Variants in FLNC observed in about 807,000 individuals in gnomAD.
The protein encoded by FLNC is filamin C.
In FLNC, 91 loss-of-function variants were observed where a neutral mutation model predicts 254.3. The observed-to-expected ratio is 0.36, with a 90% CI of 0.30 to 0.43. The LOEUF is 0.43. FLNC is among the 20% of genes least tolerant of loss of function. FLNC has a pLI of 1.00. For synonymous variants in FLNC, 1,430 were observed against 1,577.2 expected (o/e 0.91, Z 2.21); for missense variants, 2,853 against 3,802.6 (o/e 0.75, Z 6.57).
chr7:128,838,093 G>A (rs754085667), intron 6 of FLNC, 29 bp downstream of exon 6: 4 of 1,591,342 alleles, frequency 2.5e-6, no homozygotes, highest in South Asian at 1.1e-5. Context: ...CCCTGCCTGC[G>A]CTGCTCTTCA....
At position 128,846,084 on chromosome 7, in the gene FLNC, C is replaced by T. The variant is rs778413094; in HGVS notation, c.3885C>T (p.Pro1295=). 18 of 1,613,842 alleles carry T rather than the reference C, an allele frequency of 1.1e-5. No homozygotes were observed. The highest frequency in any genetic ancestry group is 1.3e-5 in the Non-Finnish European group (15 of 1,180,012). The change falls in exon 22 of 48, where the codon CCC becomes CCT. Residue 1295 remains proline (P), a synonymous_variant. Transcript: ENST00000325888. ...GNHVTARVLN[P]SGAKTDTYVT... is the part of the protein sequence containing the mutation. ...ACGTGACGGCTCGTGTGCTCAACCC[C>T]TCGGGGGCCAAGACAGACACCTATG...
Position 128,836,597 on chromosome 7 carries a change from A to G in FLNC, c.602-563A>G, listed in dbSNP as rs74673524. ...GGAAGGCAGGGCTCCTGAGGGCTGC[A>G]GAGGAGAAGTCATTCTCTCCTCACA... is the stretch of plus-strand genomic sequence containing the variant. On this transcript the variant is annotated intron_variant, in intron 2 of 47. Transcript: ENST00000325888. The surrounding 1 kb of genome is among the most constrained non-coding windows in gnomAD (Gnocchi z 6.0). 2.8e-3 allele frequency among the ~76,000 whole-genome samples: 426 copies of G among 152,348 alleles called. 15 individuals are homozygous for G. The South Asian group carries it at 0.057, about 20-fold the overall frequency.
intron 35 of FLNC, 116 bp from the exon 36 acceptor site, chr7:128,852,475 A>C (rs1416815811): frequency 8.4e-7 from 1 of 1,191,958 alleles, no homozygotes; most frequent in African/African-American, 1.5e-5. Flanking sequence ...TGCACCTGGG[A>C]GTGGCCCCCC....
At chr7:128,837,959 G>A (rs1228770457) in intron 5 of FLNC, 28 bp from the exon 6 acceptor site, 1 of 1,593,518 alleles carries the variant, frequency 6.3e-7, no homozygotes, top group Admixed American at 1.7e-5. Flanking sequence ...TCATTGGAGA[G>A]GCTTCCAATC....
Position 128,842,566 on chromosome 7 carries a change from C to A in FLNC, c.2266-9C>A. The A allele has an allele frequency of 6.5e-7, 1 of 1,549,002 alleles. No homozygotes were observed. Among genetic ancestry groups the A allele is most frequent in the Non-Finnish European group, 8.7e-7 (1 of 1,146,860 alleles). ...AGGGCACCACGCTGAGCTGCGACCC[C>A]TCCCGCAGGTGAACGTGGGCGAGGG... On this transcript the variant is annotated splice_polypyrimidine_tract_variant and intron_variant, in intron 14 of 47. Coordinates refer to ENST00000325888, the MANE Select transcript of FLNC (RefSeq NM_001458.5). The surrounding 1 kb of genome is among the most constrained non-coding windows in gnomAD (Gnocchi z 5.4).
At chr7:128,846,233 G>T in intron 22 of FLNC, 68 bp from the exon 23 acceptor site, 1 of 1,530,882 alleles carries the variant, frequency 6.5e-7, no homozygotes, top group Non-Finnish European at 8.8e-7. Flanking sequence ...TGATGATATT[G>T]CCCTCGGGGC....
intron 22 of FLNC, 25 bp downstream of exon 22, chr7:128,846,188 T>G: frequency 1.2e-6 from 2 of 1,613,398 alleles, no homozygotes; most frequent in Admixed American, 3.3e-5. Flanking sequence ...GCCAGGCTAG[T>G]GGGCAGGGCT....
chr7:128,839,855 C>G (rs1022500030), intron 8 of FLNC, among the ~76,000 whole-genome samples, 168 bp from the exon 9 acceptor site: 1 of 152,236 alleles, frequency 6.6e-6, no homozygotes, highest in African/African-American at 2.4e-5. Context: ...CTGTAGCCAG[C>G]TCCAGCCCGG....
rs200415625 is a variant in FLNC at position 128,852,702 on chromosome 7, C to T, written c.5954C>T (p.Ser1985Leu). 519 of 1,613,288 alleles carry T rather than the reference C, an allele frequency of 3.2e-4. 1 individual carries two copies. The highest frequency in any genetic ancestry group is 4.5e-4 in the Admixed American group (27 of 60,030). Residue 1985 changes from serine to leucine, a missense_variant, in exon 36 of 48, where the codon TCG becomes TTG. Ser to Leu is a moderately radical substitution (Grantham distance 145, BLOSUM62 -2). Coordinates refer to ENST00000325888, the MANE Select transcript of FLNC (RefSeq NM_001458.5). ...SQLTASIRAP[S>L]GNEEPCLLKR... ...CTGACCGCCAGCATCCGTGCCCCCT[C>T]GGGCAACGAGGAGCCCTGCCTGCTG... is the stretch of plus-strand genomic sequence containing the variant.
Position 128,843,920 on chromosome 7 carries a change from G to A in FLNC, c.2929+7G>A, listed in dbSNP as rs751991115. On this transcript the variant is annotated splice_region_variant and intron_variant, in intron 19 of 47. Coordinates refer to ENST00000325888, the MANE Select transcript of FLNC (RefSeq NM_001458.5). ...GTTCAGGGCCTTAATAGCAGTAAGT[G>A]GGGCAAGAGCCACCCTGGGAGTGAG... The A allele has an allele frequency of 8.1e-6, 13 of 1,613,972 alleles. No individual in the cohort carries two copies. The highest frequency in any genetic ancestry group is 3.4e-6 in the Non-Finnish European group (4 of 1,180,000).
chr7:128,849,256 AG>A (rs1332515859), intron 29 of FLNC, 52 bp downstream of exon 29: 5 of 1,614,002 alleles, frequency 3.1e-6, no homozygotes, highest in Non-Finnish European at 4.2e-6. Flanking sequence ...GGTTGGCGGT[AG>A]GGGGCGGGCA....
chr7:128,845,021 G>A lies in FLNC; in HGVS notation c.3556G>A (p.Ala1186Thr), dbSNP rs1808499723. The change falls in exon 21 of 48, where the codon GCG becomes ACG. Residue 1186 changes from alanine (A) to threonine (T), a missense_variant. Physicochemically the swap from Ala to Thr is moderately conservative, Grantham distance 58. Coordinates refer to ENST00000325888, the MANE Select transcript of FLNC (RefSeq NM_001458.5). ...TGTGGACTGCTCAGAGGCAGGCGAG[G>A]CGGAGCTGACCATTGAGATCCTGTC... is the stretch of plus-strand genomic sequence containing the variant. ...FTVDCSEAGE[A>T]ELTIEILSDA... The A allele has an allele frequency of 6.2e-7, 1 of 1,613,840 alleles. No individual in the cohort carries two copies. Among genetic ancestry groups the A allele is most frequent in the Non-Finnish European group, 8.5e-7 (1 of 1,180,042 alleles).
In FLNC at chr7:128,851,495, G is replaced by A. The variant is rs1279073825; in HGVS notation, c.5709G>A (p.Glu1903=). 1.3e-5 allele frequency: 21 copies of A among 1,614,020 alleles called. No individual in the cohort carries two copies. Among genetic ancestry groups the A allele is most frequent in the Non-Finnish European group, 1.8e-5 (21 of 1,180,048 alleles). The change falls in exon 35 of 48, where the codon GAG becomes GAA. Residue 1903 remains glutamate (E), a synonymous_variant. Transcript: ENST00000325888. The stretch of plus-strand genomic sequence containing the variant: ...CCGTGGAGGGCCCATCCAAGGCAGA[G>A]ATCACCTGTAAGGACAACAAGGATG... ...SLAVEGPSKA[E]ITCKDNKDGT...
At chr7:128,840,481 G>C (rs1808283488) in intron 9 of FLNC, 67 bp from the exon 10 acceptor site, 1 of 1,607,758 alleles carries the variant, frequency 6.2e-7, no homozygotes, top group African/African-American at 1.3e-5. Flanking sequence ...TCCTTGAGGG[G>C]ATTGAGGAGC....
chr7:128,831,694 C>G (rs1373179952), intron 1 of FLNC, among the ~76,000 whole-genome samples: 1 of 152,212 alleles, frequency 6.6e-6, no homozygotes, highest in Non-Finnish European at 1.5e-5. Flanking sequence ...CAGCCCACCC[C>G]CTACCGCGGG....
chr7:128,848,590 A>G lies in FLNC; in HGVS notation c.4610A>G (p.His1537Arg). 1 of 1,613,982 alleles carries G rather than the reference A, an allele frequency of 6.2e-7. No individual in the cohort carries two copies. The highest frequency in any genetic ancestry group is 2.2e-5 in the East Asian group (1 of 44,882). ...SPFKIKVLPAHDASKVRASGP... is the reference protein window; with the variant it reads ...SPFKIKVLPARDASKVRASGP... The stretch of plus-strand genomic sequence containing the variant: ...TTCAAGATCAAGGTCCTCCCAGCTC[A>G]TGATGCCAGCAAGGTGCGGGCCAGC... Residue 1537 changes from histidine to arginine, a missense_variant, in exon 27 of 48, where the codon CAT becomes CGT. Transcript: ENST00000325888.
Position 128,849,592 on chromosome 7 carries a change from C to CCACA in FLNC, c.5199+15_5199+18dup, listed in dbSNP as rs774741303. On this transcript the variant is annotated intron_variant, in intron 30 of 47. Transcript: ENST00000325888. ...TTCCACGTGCTGGTAAGTTCTGTAGCCACAGCAAGACTAGATGGCTGGGGA... is the reference window on the plus strand; with the variant it reads ...TTCCACGTGCTGGTAAGTTCTGTAGCCACACACAGCAAGACTAGATGGCTGGGGA... 6.2e-7 allele frequency: 1 copy of CCACA among 1,613,062 alleles called. No individual in the cohort carries two copies. The highest frequency in any genetic ancestry group is 8.5e-7 in the Non-Finnish European group (1 of 1,179,526).
chr7:128,837,513 A>G lies in FLNC; in HGVS notation c.815A>G (p.Gln272Arg), dbSNP rs779455589. The change falls in exon 4 of 48, where the codon CAG becomes CGG. Residue 272 changes from glutamine (Q) to arginine (R), a missense_variant. By Grantham distance (43) the Gln-to-Arg change is conservative (BLOSUM62 1). Transcript: ENST00000325888. ...LKPGAPVRSKQLNPKKAIAYG... is the reference protein window; with the variant it reads ...LKPGAPVRSKRLNPKKAIAYG... ...CCTGGTGCCCCTGTTCGATCCAAGC[A>G]GCTGAACCCCAAGAAAGCCATCGCC... The G allele has an allele frequency of 1.2e-6, 2 of 1,614,194 alleles. No homozygotes were observed. Among genetic ancestry groups the G allele is most frequent in the Non-Finnish European group, 1.7e-6 (2 of 1,180,034 alleles).
chr7:128,847,617 G>GCCT, intron 24 of FLNC, 80 bp from the exon 25 acceptor site: 1 of 1,552,434 alleles, frequency 6.4e-7, no homozygotes, highest in Non-Finnish European at 8.9e-7. Context: ...GGCAGGGAAG[G>GCCT]CCTCCTCCTC....
Sources: allele counts gnomAD v4.1 joint callset (sites outside exome capture counted in the v4.1 genomes callset), GRCh38; gene constraint gnomAD v4.1.1; non-coding constraint Gnocchi (gnomAD v3.1); transcripts MANE v1.5; gene names NCBI Gene and HGNC (gene_info 2026-07-23, HGNC 2026-07-21).